The following SLC27A1 variants were observed in gnomAD, a reference collection of about 807,000 sequenced individuals.
SLC27A1 encodes the protein solute carrier family 27 member 1, also known as long-chain fatty acid transport protein 1.
A neutral mutation model predicts 62.2 loss-of-function variants in SLC27A1; 61 were observed. The ratio of observed to expected loss-of-function variants is 0.98; its 90% CI spans 0.80 to 1.21. The LOEUF is 1.21. Ranked by LOEUF, SLC27A1 falls within the 50% of genes most tolerant of loss-of-function variation. The probability of loss-of-function intolerance (pLI) is 0.00; values close to 1 mark genes in which losing one functional copy is unlikely to be tolerated. For missense variants in SLC27A1, 903 were observed against 932.1 expected (o/e 0.97, Z 0.41); for synonymous variants, 435 against 408.6 (o/e 1.06, Z -0.78).
chr19:17,472,590 G>C (rs1599636618), intron 1 of SLC27A1, among the ~76,000 whole-genome samples: 1 of 151,830 alleles, frequency 6.6e-6, no homozygotes, highest in Admixed American at 6.6e-5. Context: ...GCAGTGGTGC[G>C]ATCTTGGCTC....
Position 17,500,772 on chromosome 19 carries a change from C to T in SLC27A1, c.1532C>T (p.Thr511Ile), listed in dbSNP as rs763392877. ...TACTTCCGGGACCGTAGCGGGGACA[C>T]CTTCCGCTGGCGAGGGGAGAACGTC... The part of the protein sequence containing the change: ...YMYFRDRSGD[T>I]FRWRGENVST... Residue 511 changes from threonine to isoleucine, a missense_variant, in exon 10 of 12, where the codon ACC (threonine) becomes ATC (isoleucine). Coordinates refer to ENST00000252595, the MANE Select transcript of SLC27A1 (RefSeq NM_198580.3). The T allele has an allele frequency of 3.1e-6, 5 of 1,613,222 alleles. No individual in the cohort carries two copies. The highest frequency in any genetic ancestry group is 3.3e-5 in the Admixed American group (2 of 59,716).
chr19:17,469,899 T>C (rs1746537647), upstream of SLC27A1, among the ~76,000 whole-genome samples: 4 of 44,096 alleles, frequency 9.1e-5, no homozygotes, highest in South Asian at 2.9e-3. Context: ...CGTGTGCTTA[T>C]TGCGGGGGGG....
chr19:17,500,544 C>G lies in SLC27A1; in HGVS notation c.1383C>G (p.Arg461=), dbSNP rs897831960. ...VGQINQQDPL[R]RFDGYVSESA... Reference sequence around the variant, plus strand: ...AGATCAACCAACAGGACCCGCTGCGCCGCTTCGATGGCTATGTCAGCGAGA... The same window carrying G: ...AGATCAACCAACAGGACCCGCTGCGGCGCTTCGATGGCTATGTCAGCGAGA... Residue 461 remains arginine, a synonymous_variant, in exon 9 of 12, where the codon CGC becomes CGG. Coordinates refer to ENST00000252595, the MANE Select transcript of SLC27A1 (RefSeq NM_198580.3). 1.9e-6 allele frequency: 3 copies of G among 1,613,456 alleles called. No homozygotes were observed. The African/African-American group carries it at 4.0e-5, about 22-fold the overall frequency.
intron 6 of SLC27A1, among the ~76,000 whole-genome samples, chr19:17,493,427 C>CAAAAAAAAAAAAA (rs769247313): frequency 1.4e-5 from 1 of 72,034 alleles, no homozygotes; most frequent in Non-Finnish European, 2.3e-5. Flanking sequence ...AACTCCATCT[C>CAAAAAAAAAAAAA]AAAAAAAAAA....
intron 1 of SLC27A1, among the ~76,000 whole-genome samples, chr19:17,479,271 C>T (rs976206198): frequency 6.6e-6 from 1 of 152,088 alleles, no homozygotes; most frequent in South Asian, 2.1e-4. Flanking sequence ...AAAACAAACC[C>T]ACAAAAATCC....
intron 1 of SLC27A1, among the ~76,000 whole-genome samples, chr19:17,471,397 G>T (rs2075075011): frequency 6.6e-6 from 1 of 151,956 alleles, no homozygotes; most frequent in Non-Finnish European, 1.5e-5. Context: ...CTTGTTTGGG[G>T]GGTCTCTTCT....
intron 6 of SLC27A1, among the ~76,000 whole-genome samples, chr19:17,493,996 A>G (rs1371073145): frequency 1.3e-5 from 2 of 149,674 alleles, no homozygotes; most frequent in African/African-American, 4.9e-5. Context: ...CAGGGTGGAC[A>G]TGCCCAGCCC....
chr19:17,499,112 C>T (rs1365496711), intron 7 of SLC27A1: 1 of 191,286 alleles, frequency 5.2e-6, no homozygotes, highest in Non-Finnish European at 1.1e-5. Context: ...CTCTAAACTC[C>T]CCGGGGGAAA....
intron 6 of SLC27A1, among the ~76,000 whole-genome samples, chr19:17,495,128 A>G (rs1439375939): frequency 6.6e-6 from 1 of 151,656 alleles, no homozygotes; most frequent in East Asian, 1.9e-4. Flanking sequence ...ACATGCCACC[A>G]GGTCTGGCAA....
intron 11 of SLC27A1, among the ~76,000 whole-genome samples, chr19:17,502,344 G>GTTTTTTTTTTTTTTTT (rs1231886797): frequency 4.5e-4 from 7 of 15,714 alleles, no homozygotes; most frequent in Non-Finnish European, 9.4e-4. Flanking sequence ...TGTTTTTTTT[G>GTTTTTTTTTTTTTTTT]TTTTTTTTTT....
At chr19:17,484,317 G>C (rs1208537171) in intron 1 of SLC27A1, among the ~76,000 whole-genome samples, 1 of 152,212 alleles carries the variant, frequency 6.6e-6, no homozygotes, top group Non-Finnish European at 1.5e-5. Context: ...AATGAGACCA[G>C]ATGCGGTGGC....
In SLC27A1 at chr19:17,484,332, G is replaced by A. The variant is rs73020436; in HGVS notation, c.168-2231G>A. Among the ~76,000 whole-genome samples, 839 of 152,290 alleles carry A rather than the reference G, an allele frequency of 5.5e-3. 4 individuals carry two copies. Among genetic ancestry groups the A allele is most frequent in the Middle Eastern group, 0.01 (3 of 294 alleles). The stretch of plus-strand genomic sequence containing the variant: ...AATGAGACCAGATGCGGTGGCCCAC[G>A]CCTGTAATCCCAGCACATTGGGAGG... On this transcript the variant is annotated intron_variant, in intron 1 of 11. Transcript: ENST00000252595.
At position 17,501,395 on chromosome 19, in the gene SLC27A1, C is replaced by T. The variant is rs1352151856; in HGVS notation, c.1759C>T (p.Leu587Phe). 3 of 1,613,666 alleles carry T rather than the reference C, an allele frequency of 1.9e-6. No homozygotes were observed. The highest frequency in any genetic ancestry group is 1.3e-5 in the African/African-American group (1 of 75,050). ...CTATGCCCGGCCCATCTTCCTGCGC[C>T]TCCTGCCCCAGGTGGACACCACAGG... ...APYARPIFLR[L>F]LPQVDTTGTF... Residue 587 changes from leucine (L) to phenylalanine (F), a missense_variant, in exon 11 of 12, where the codon CTC (leucine) becomes TTC (phenylalanine). Leu to Phe is a conservative substitution (Grantham distance 22). Transcript: ENST00000252595.
rs1233982480 is a variant in SLC27A1 at position 17,494,746 on chromosome 19, C to A, written c.997-2509C>A. Among the ~76,000 whole-genome samples the A allele has an allele frequency of 2.6e-5, 4 of 151,400 alleles. No homozygotes were observed. In the East Asian group the frequency reaches 5.8e-4, roughly 22 times the overall value. On this transcript the variant is annotated intron_variant, in intron 6 of 11. Transcript: ENST00000252595. ...TTCTTTGTTAGAAAATAAGTGATTT[C>A]TTGGGCTGCTTTTTGTTAGAAGGGA...
chr19:17,485,658 C>CTACTAAAAATACAAAAA (rs2075222370), intron 1 of SLC27A1, among the ~76,000 whole-genome samples: 1 of 151,554 alleles, frequency 6.6e-6, no homozygotes, highest in South Asian at 2.1e-4. Flanking sequence ...GATGAAACCC[C>CTACTAAAAATACAAAAA]GTCTCTACTA....
intron 6 of SLC27A1, 148 bp from the exon 7 acceptor site, chr19:17,497,107 G>A (rs565099906): frequency 3.4e-6 from 2 of 590,922 alleles, no homozygotes; most frequent in South Asian, 2.4e-5. Context: ...CTAATGGAGT[G>A]TGGACGATTC....
At position 17,504,620 on chromosome 19, in the gene SLC27A1, C is replaced by G. The variant is rs377300425; in HGVS notation, c.*8C>G. The G allele has an allele frequency of 1.9e-6, 3 of 1,613,902 alleles. No individual in the cohort carries two copies. The highest frequency in any genetic ancestry group is 2.5e-6 in the Non-Finnish European group (3 of 1,180,010). ...GGCGCCTTCGCCCTCTGAAGCTGTT[C>G]CTCTACTGGCCACAAACTCTGGGCC... On this transcript the variant is annotated 3_prime_UTR_variant, in exon 12 of 12. Coordinates refer to ENST00000252595, the MANE Select transcript of SLC27A1 (RefSeq NM_198580.3).
At chr19:17,488,775 T>C in intron 4 of SLC27A1, 73 bp from the exon 5 acceptor site, 1 of 1,379,538 alleles carries the variant, frequency 7.2e-7, no homozygotes, top group Non-Finnish European at 1.0e-6. Flanking sequence ...ACATGCAGCA[T>C]GCTTCCCCAT....
At chr19:17,502,580 CT>C (rs1410154601) in intron 11 of SLC27A1, among the ~76,000 whole-genome samples, 1 of 151,814 alleles carries the variant, frequency 6.6e-6, no homozygotes, top group African/African-American at 2.4e-5. Flanking sequence ...TCTTGAACTC[CT>C]GACCTCAAGT....
Sources: allele counts gnomAD v4.1 joint callset (sites outside exome capture counted in the v4.1 genomes callset), GRCh38; gene constraint gnomAD v4.1.1; transcripts MANE v1.5; gene names NCBI Gene and HGNC (gene_info 2026-07-23, HGNC 2026-07-21).